DGKI: variants seen among roughly 807,000 people sequenced by gnomAD.
The protein encoded by DGKI is diacylglycerol kinase iota.
DGKI carries 55 observed loss-of-function variants against 147.5 expected under a neutral mutation model. That is an observed-to-expected ratio of 0.37 (90% CI 0.30 to 0.47). The LOEUF is 0.47. Among genes scored for constraint, DGKI ranks in the 20% least tolerant of loss-of-function variants. The pLI is 1.00. For synonymous variants in DGKI, 469 were observed against 477.1 expected (o/e 0.98, Z 0.22); for missense variants, 1,007 against 1,323.8 (o/e 0.76, Z 3.71).
At chr7:137,637,636 G>A (rs1476644409) in intron 6 of DGKI, among the ~76,000 whole-genome samples, 1 of 152,316 alleles carries the variant, frequency 6.6e-6, no homozygotes, top group East Asian at 1.9e-4. Flanking sequence ...TATAGGGAGT[G>A]AAAGCTCCAA....
At chr7:137,700,878 CAAATAAATAAATAAATAAATAAAT>C (rs143983872) in intron 1 of DGKI, among the ~76,000 whole-genome samples, 15 of 146,636 alleles carry the variant, frequency 1.0e-4, no homozygotes, top group Non-Finnish European at 1.8e-4. Context: ...AGCTCCGTCT[CAAATAAATAAATAAATAAATAAAT>C]AAATAAATAA....
At chr7:137,559,468 C>T (rs562397317) in intron 19 of DGKI, among the ~76,000 whole-genome samples, 1 of 151,984 alleles carries the variant, frequency 6.6e-6, no homozygotes, top group South Asian at 2.1e-4. Context: ...TGATATTGTC[C>T]AGCCACTCTA....
Position 137,386,809 on chromosome 7 carries a change from G to A in DGKI, c.*4411C>T, listed in dbSNP as rs565375759. 1.3e-5 allele frequency: 2 copies of A among 152,006 alleles called. No homozygotes were observed. The highest frequency in any genetic ancestry group is 4.8e-5 in the African/African-American group (2 of 41,456). The allele number at this position is 152,006 out of a possible 1,614,324, so 9.4% of individuals were successfully genotyped here. A position where few individuals can be genotyped will look rare whatever the true frequency, so the allele number is the denominator to read the frequency against. ...GAAAGGAGTTGAGAGATTCAAAGGT[G>A]GTTCAATTAAGATGCAGGCAGAAGC... is the stretch of plus-strand genomic sequence containing the variant. On this transcript the variant is annotated 3_prime_UTR_variant, in exon 33 of 33. Transcript: ENST00000614521.
At chr7:137,682,112 G>A (rs1225602379) in intron 2 of DGKI, among the ~76,000 whole-genome samples, 1 of 152,168 alleles carries the variant, frequency 6.6e-6, no homozygotes, top group Non-Finnish European at 1.5e-5. Context: ...GGAGTTCTAT[G>A]AGTGTTTCTA....
chr7:137,649,761 T>A (rs952929137), intron 5 of DGKI, among the ~76,000 whole-genome samples: 19 of 147,406 alleles, frequency 1.3e-4, no homozygotes, highest in African/African-American at 3.0e-4. Context: ...ATAAAAAATT[T>A]TATATATATA....
At chr7:137,623,678 G>A (rs1025015113) in intron 6 of DGKI, 124 bp from the exon 7 acceptor site, 6 of 774,798 alleles carry the variant, frequency 7.7e-6, no homozygotes, top group Non-Finnish European at 9.0e-6. Context: ...ACCACTGGAG[G>A]TAAGTAGAAT....
intron 1 of DGKI, among the ~76,000 whole-genome samples, chr7:137,806,636 T>C (rs533681955): frequency 3.9e-4 from 60 of 152,284 alleles, no homozygotes; most frequent in Non-Finnish European, 3.8e-4. Flanking sequence ...GGTTTCACCG[T>C]GTTAGCCAGG....
At chr7:137,472,187 C>T (rs1814942422) in intron 23 of DGKI, among the ~76,000 whole-genome samples, 1 of 113,014 alleles carries the variant, frequency 8.8e-6, no homozygotes, top group Admixed American at 1.1e-4. Context: ...TATGTATATA[C>T]ATATAAATAT....
chr7:137,691,821 T>TA (rs57807548), intron 1 of DGKI, among the ~76,000 whole-genome samples: 11 of 142,066 alleles, frequency 7.7e-5, no homozygotes, highest in Admixed American at 2.8e-4. Flanking sequence ...TTTTTTTTTT[T>TA]AAGCCTCTTG....
Position 137,714,825 on chromosome 7 carries a change from C to T in DGKI, c.402-24823G>A, listed in dbSNP as rs1352978018. On this transcript the variant is annotated intron_variant, in intron 1 of 32. Transcript: ENST00000614521. ...AGATGTTGGGTTTCCCTACTCACCA[C>T]CTCCCTGTCGTCCTTCATGCAAGGG... 2.6e-5 allele frequency among the ~76,000 whole-genome samples: 4 copies of T among 152,224 alleles called. No homozygotes were observed. The East Asian group carries it at 7.7e-4, about 29-fold the overall frequency.
chr7:137,727,738 G>T (rs980690611), intron 1 of DGKI, among the ~76,000 whole-genome samples: 6 of 152,110 alleles, frequency 3.9e-5, no homozygotes, highest in Non-Finnish European at 7.4e-5. Context: ...TGAGCCTTAG[G>T]AATAAAATAA....
At chr7:137,632,644 G>A (rs780653592) in intron 6 of DGKI, among the ~76,000 whole-genome samples, 2 of 151,454 alleles carry the variant, frequency 1.3e-5, no homozygotes, top group Non-Finnish European at 2.9e-5. Flanking sequence ...AGATCACGAG[G>A]TCAGGAGATC....
At chr7:137,496,452 C>G (rs1163348335) in intron 21 of DGKI, among the ~76,000 whole-genome samples, 1 of 151,650 alleles carries the variant, frequency 6.6e-6, no homozygotes, top group Non-Finnish European at 1.5e-5. Context: ...AGAATTAGAA[C>G]AAACTATTTT....
rs1811062622 is a variant in DGKI at position 137,381,605 on chromosome 7, T to C, written c.*9615A>G. Reference sequence around the variant, plus strand: ...AATCAAATTAAATCAAATATATTCATTCTTTTAGAACTGAGATTGTCCTCT... The same window carrying C: ...AATCAAATTAAATCAAATATATTCACTCTTTTAGAACTGAGATTGTCCTCT... On this transcript the variant is annotated 3_prime_UTR_variant, in exon 33 of 33. Coordinates refer to ENST00000614521, the MANE Select transcript of DGKI (RefSeq NM_001321708.2). 1 of 151,976 alleles carries C rather than the reference T, an allele frequency of 6.6e-6. No homozygotes were observed. The highest frequency in any genetic ancestry group is 6.6e-5 in the Admixed American group (1 of 15,236). 9.4% of individuals were successfully genotyped at this position (151,976 alleles called of 1,614,324 possible).
intron 1 of DGKI, among the ~76,000 whole-genome samples, chr7:137,704,321 T>C (rs1793940346): frequency 6.6e-6 from 1 of 152,136 alleles, no homozygotes; most frequent in Non-Finnish European, 1.5e-5. Context: ...ACAGACAATA[T>C]TGAAAAGGAG....
In DGKI at chr7:137,800,191, A is replaced by G. The variant is rs183928995; in HGVS notation, c.401+46271T>C. On this transcript the variant is annotated intron_variant, in intron 1 of 32. Transcript: ENST00000614521. ...AACAGAATTGGCAAATACCTACTAC[A>G]TCCTTAGAACAAACTGGAGTGATAT... Among the ~76,000 whole-genome samples the G allele has an allele frequency of 1.4e-4, 22 of 152,266 alleles. No homozygotes were observed. The East Asian group carries it at 3.9e-3, about 27-fold the overall frequency.
chr7:137,613,199 C>T (rs938472282), intron 8 of DGKI, among the ~76,000 whole-genome samples: 10 of 151,998 alleles, frequency 6.6e-5, no homozygotes, highest in South Asian at 2.1e-4. Context: ...GAGATCTGTT[C>T]GCTCTTCTTT....
In DGKI at chr7:137,715,570, T is replaced by C. The variant is rs577009098; in HGVS notation, c.402-25568A>G. ...CACCAATTGGGTATTAAATGGAGTC[T>C]TGTAGAATCACTATTAAAGTCCCAG... On this transcript the variant is annotated intron_variant, in intron 1 of 32. Transcript: ENST00000614521. 6.6e-5 allele frequency among the ~76,000 whole-genome samples: 10 copies of C among 152,332 alleles called. No individual in the cohort carries two copies. In the South Asian group the frequency reaches 2.1e-3, roughly 32 times the overall value.
chr7:137,580,397 T>C (rs748585978), intron 15 of DGKI, among the ~76,000 whole-genome samples: 1 of 152,124 alleles, frequency 6.6e-6, no homozygotes, highest in East Asian at 1.9e-4. Context: ...GAATACCTAA[T>C]ATCCAAGAAC....
Sources: allele counts gnomAD v4.1 joint callset (sites outside exome capture counted in the v4.1 genomes callset), GRCh38; gene constraint gnomAD v4.1.1; transcripts MANE v1.5; gene names NCBI Gene and HGNC (gene_info 2026-07-23, HGNC 2026-07-21).